LZTFL1: variants seen among roughly 807,000 people sequenced by gnomAD.
LZTFL1 encodes leucine zipper transcription factor like 1, also known as leucine zipper transcription factor-like protein 1.
In LZTFL1, 25 loss-of-function variants were observed where a neutral mutation model predicts 45.9. The observed-to-expected ratio is 0.54, with a 90% CI of 0.40 to 0.76. LZTFL1 has a LOEUF of 0.76. Among genes scored for constraint, LZTFL1 ranks in the 30% least tolerant of loss-of-function variants. LZTFL1 has a pLI of 0.00. For synonymous variants in LZTFL1, 93 were observed against 117.4 expected (o/e 0.79, Z 1.35); for missense variants, 277 against 331.1 (o/e 0.84, Z 1.27).
intron 2 of LZTFL1, among the ~76,000 whole-genome samples, chr3:45,863,142 C>T (rs1172187901): frequency 1.3e-5 from 2 of 152,110 alleles, no homozygotes; most frequent in East Asian, 3.9e-4. Flanking sequence ...CAGCTAATAC[C>T]AATGTCTTAT....
At chr3:45,841,444 A>T (rs1701110059) in intron 1 of LZTFL1, among the ~76,000 whole-genome samples, 1 of 152,182 alleles carries the variant, frequency 6.6e-6, no homozygotes, top group African/African-American at 2.4e-5. Flanking sequence ...GGGTGCTGGG[A>T]TTCTTAAAGT....
intron 2 of LZTFL1, among the ~76,000 whole-genome samples, chr3:45,889,906 C>T (rs777621637): frequency 2.0e-5 from 3 of 151,310 alleles, no homozygotes; most frequent in Admixed American, 6.6e-5. Context: ...ATACCTGGAC[C>T]CTTGTGTTCT....
In LZTFL1 at chr3:45,825,960, A is replaced by T. The variant is rs1271376266; in HGVS notation, c.*354T>A. On this transcript the variant is annotated 3_prime_UTR_variant, in exon 10 of 10. Transcript: ENST00000296135. ...CCATGGGGAATGCATAAGTACAAAC[A>T]TTGTTAGCTTATTTAACATTTATTA... 1 of 215,334 alleles carries T rather than the reference A, an allele frequency of 4.6e-6. No individual in the cohort carries two copies. Among genetic ancestry groups the T allele is most frequent in the Non-Finnish European group, 9.1e-6 (1 of 110,244 alleles). The allele number at this position is 215,334 out of a possible 1,614,324, so 13.3% of individuals were successfully genotyped here.
At chr3:45,913,058 C>T in intron 2 of LZTFL1, 3 of 1,459,332 alleles carry the variant, frequency 2.1e-6, no homozygotes, top group Non-Finnish European at 2.8e-6. Flanking sequence ...GAAAACCACT[C>T]CTACAGCTGT....
intron 2 of LZTFL1, among the ~76,000 whole-genome samples, chr3:45,876,051 T>C (rs1245899211): frequency 6.6e-6 from 1 of 152,228 alleles, no homozygotes; most frequent in Non-Finnish European, 1.5e-5. Flanking sequence ...AACTCTCTTA[T>C]CAACTTATTA....
At chr3:45,878,601 A>G (rs2125723679) in intron 2 of LZTFL1, among the ~76,000 whole-genome samples, 1 of 152,100 alleles carries the variant, frequency 6.6e-6, no homozygotes, top group African/African-American at 2.4e-5. Context: ...CAAGTAAAAA[A>G]AAAAAAAAGC....
intron 1 of LZTFL1, among the ~76,000 whole-genome samples, chr3:45,913,845 T>C (rs915540619): frequency 1.3e-5 from 2 of 152,234 alleles, no homozygotes; most frequent in Admixed American, 1.3e-4. Flanking sequence ...TGGACATGTA[T>C]GGAACTCTTC....
rs554542223 is a variant in LZTFL1, at chr3:45,828,334, T to G, written c.777+105A>C. On this transcript the variant is annotated intron_variant, in intron 8 of 9. Coordinates refer to ENST00000296135, the MANE Select transcript of LZTFL1 (RefSeq NM_020347.4). ...GCTAATACCTTGAGAAAAAATAATC[T>G]GAATTTGCAGTTGTCCAACGTTTAT... 12 of 968,192 alleles carry G rather than the reference T, an allele frequency of 1.2e-5. No individual in the cohort carries two copies. The African/African-American group carries it at 1.9e-4, about 16-fold the overall frequency. The allele number at this position is 968,192 out of a possible 1,614,324, so 60.0% of individuals were successfully genotyped here.
At chr3:45,914,578 C>T (rs1197497527) in intron 1 of LZTFL1, among the ~76,000 whole-genome samples, 2 of 152,134 alleles carry the variant, frequency 1.3e-5, no homozygotes, top group African/African-American at 4.8e-5. Flanking sequence ...CTGGCTGGAT[C>T]TGCATTTTAA....
intron 5 of LZTFL1, chr3:45,832,516 C>T (rs1258776492): frequency 1.3e-5 from 2 of 151,646 alleles, no homozygotes; most frequent in Non-Finnish European, 2.9e-5. Context: ...AAATCCAAAA[C>T]ACTTCTAGTC....
chr3:45,906,727 G>T (rs545556513), intron 2 of LZTFL1, among the ~76,000 whole-genome samples: 2 of 152,302 alleles, frequency 1.3e-5, no homozygotes, highest in South Asian at 4.1e-4. Context: ...CACACATATG[G>T]CTGTGGAGCC....
At position 45,823,769 on chromosome 3, in the gene LZTFL1, C is replaced by T. The variant is rs549189370; in HGVS notation, c.*2545G>A. 1.3e-5 allele frequency: 2 copies of T among 152,286 alleles called. No individual in the cohort carries two copies. The highest frequency in any genetic ancestry group is 4.1e-4 in the South Asian group (2 of 4,826). 9.4% of individuals were successfully genotyped at this position (152,286 alleles called of 1,614,324 possible). A position where few individuals can be genotyped will look rare whatever the true frequency, so the allele number is the denominator to read the frequency against. ...AATATCTAGTGGCAAAGCTTTGGAA[C>T]ATAGGCATTTACACATAAGCAGAGG... On this transcript the variant is annotated 3_prime_UTR_variant, in exon 10 of 10. Transcript: ENST00000296135.
At chr3:45,871,523 A>C (rs1575280382) in intron 2 of LZTFL1, among the ~76,000 whole-genome samples, 1 of 152,272 alleles carries the variant, frequency 6.6e-6, no homozygotes, top group East Asian at 1.9e-4. Context: ...TTATCTTTTT[A>C]TTTTTGTTTT....
chr3:45,830,967 C>T lies in LZTFL1; in HGVS notation c.546G>A (p.Lys182=), dbSNP rs200701798. Residue 182 remains lysine (K), a synonymous_variant, in exon 7 of 10, where the codon AAG becomes AAA. Coordinates refer to ENST00000296135, the MANE Select transcript of LZTFL1 (RefSeq NM_020347.4). ...EIQATNALDE[K]SKLEKALQDL... ...CTTGCAGTGCTTTTTCTAGTTTTGA[C>T]TTTTCATCCAGTGCATTTGTAGCCT... The T allele has an allele frequency of 6.2e-7, 1 of 1,614,026 alleles. No individual in the cohort carries two copies. Among genetic ancestry groups the T allele is most frequent in the East Asian group, 2.2e-5 (1 of 44,848 alleles).
intron 2 of LZTFL1, among the ~76,000 whole-genome samples, chr3:45,893,672 T>A (rs1403659003): frequency 6.6e-6 from 1 of 152,262 alleles, no homozygotes. Flanking sequence ...ATTTCACAGT[T>A]AACTTATCCA....
chr3:45,867,290 T>A (rs1701594190), intron 2 of LZTFL1, among the ~76,000 whole-genome samples: 1 of 152,176 alleles, frequency 6.6e-6, no homozygotes, highest in Non-Finnish European at 1.5e-5. Flanking sequence ...AAGGTGTTGT[T>A]AAAATTTTAA....
chr3:45,879,261 G>A (rs926011112), intron 2 of LZTFL1, among the ~76,000 whole-genome samples: 2 of 152,166 alleles, frequency 1.3e-5, no homozygotes, highest in Admixed American at 1.3e-4. Context: ...GAACCAAGAT[G>A]TCCTTCAGCA....
At chr3:45,847,346 C>T (rs963146761) in intron 4 of LZTFL1, among the ~76,000 whole-genome samples, 1 of 152,160 alleles carries the variant, frequency 6.6e-6, no homozygotes, top group Non-Finnish European at 1.5e-5. Context: ...CTTTCCAGAC[C>T]TCCATGATGT....
intron 4 of LZTFL1, among the ~76,000 whole-genome samples, chr3:45,853,308 A>T (rs958410043): frequency 6.6e-6 from 1 of 152,210 alleles, no homozygotes; most frequent in Non-Finnish European, 1.5e-5. Context: ...AAGTTATATC[A>T]TGTAGGAATA....
Sources: allele counts gnomAD v4.1 joint callset (sites outside exome capture counted in the v4.1 genomes callset), GRCh38; gene constraint gnomAD v4.1.1; transcripts MANE v1.5; gene names NCBI Gene and HGNC (gene_info 2026-07-23, HGNC 2026-07-21).